The following SPOCK3 variants were observed in gnomAD, a reference collection of about 807,000 sequenced individuals.
SPOCK3 encodes SPARC (osteonectin), cwcv and kazal like domains proteoglycan 3.
Under a neutral mutation model 56.6 loss-of-function variants are expected in SPOCK3, and 30 were observed. That is an observed-to-expected ratio of 0.53 (90% CI 0.40 to 0.72). The LOEUF (loss-of-function observed/expected upper bound fraction) is 0.72. Among genes scored for constraint, SPOCK3 ranks in the 30% least tolerant of loss-of-function variants. The pLI is 0.00. For missense variants in SPOCK3, 527 were observed against 530.0 expected, an observed-to-expected ratio of 0.99 and a Z score of 0.06; for synonymous variants, 196 against 183.3, an observed-to-expected ratio of 1.07 and a Z score of -0.56.
At chr4:167,155,529 T>C (rs569335292) in intron 2 of SPOCK3, among the ~76,000 whole-genome samples, 61 of 152,256 alleles carry the variant, frequency 4.0e-4, no homozygotes, top group Non-Finnish European at 7.2e-4. Flanking sequence ...ACACATGAGA[T>C]ACAGTAAAAT....
intron 6 of SPOCK3, among the ~76,000 whole-genome samples, chr4:166,886,399 A>G (rs988805902): frequency 6.6e-6 from 1 of 152,148 alleles, no homozygotes; most frequent in African/African-American, 2.4e-5. Flanking sequence ...TAGCTAAGTT[A>G]CTAACTGAAG....
chr4:167,208,991 T>C (rs1390493884), intron 2 of SPOCK3, among the ~76,000 whole-genome samples: 1 of 152,190 alleles, frequency 6.6e-6, no homozygotes, highest in Non-Finnish European at 1.5e-5. Context: ...TAGTGAAATA[T>C]CTTTTTTGTC....
In SPOCK3 at chr4:167,234,004, T is replaced by A; in HGVS notation, c.170A>T (p.Gln57Leu). 1.9e-6 allele frequency: 3 copies of A among 1,613,814 alleles called. No individual in the cohort carries two copies. In the South Asian group the frequency reaches 3.3e-5, roughly 18 times the overall value. The change falls in exon 2 of 11, where the codon CAG becomes CTG. Residue 57 changes from glutamine (Q) to leucine (L), a missense_variant. Transcript: ENST00000357545. ...ACTTACGTCTCGGAATTTGTTCCACTGTCCGACTTCCTTGTCATACTGAGA... is the reference window on the plus strand; with the variant it reads ...ACTTACGTCTCGGAATTTGTTCCACAGTCCGACTTCCTTGTCATACTGAGA... Reference protein sequence around the residue: ...TISQYDKEVGQWNKFRDDDYF... With the variant: ...TISQYDKEVGLWNKFRDDDYF...
intron 3 of SPOCK3, among the ~76,000 whole-genome samples, chr4:167,048,831 A>G (rs1242003440): frequency 1.3e-5 from 2 of 152,172 alleles, no homozygotes; most frequent in African/African-American, 4.8e-5. Context: ...ACAATTAATT[A>G]CACAATAATC....
intron 9 of SPOCK3, among the ~76,000 whole-genome samples, 153 bp downstream of exon 9, chr4:166,741,844 G>A (rs1734873267): frequency 6.6e-6 from 1 of 152,120 alleles, no homozygotes; most frequent in Admixed American, 6.6e-5. Flanking sequence ...GGTAATAAAA[G>A]TAAGTTTAAT....
In SPOCK3 at chr4:167,094,413, T is replaced by C. The variant is rs547135712; in HGVS notation, c.190-31876A>G. ...AAAAATCAACAACATATAAAATAAG[T>C]ATATACCCTGGCAAAATGAAATTTA... On this transcript the variant is annotated intron_variant, in intron 2 of 10. Transcript: ENST00000357545. 4.6e-5 allele frequency among the ~76,000 whole-genome samples: 7 copies of C among 152,214 alleles called. 1 individual carries two copies. The South Asian group carries it at 1.4e-3, about 32-fold the overall frequency.
intron 4 of SPOCK3, among the ~76,000 whole-genome samples, chr4:166,957,257 A>G (rs994768080): frequency 6.6e-6 from 1 of 152,200 alleles, no homozygotes; most frequent in Non-Finnish European, 1.5e-5. Flanking sequence ...ATGTCAAAAG[A>G]GAGAATAATA....
At chr4:166,995,992 A>G (rs1360222377) in intron 4 of SPOCK3, among the ~76,000 whole-genome samples, 1 of 152,168 alleles carries the variant, frequency 6.6e-6, no homozygotes, top group African/African-American at 2.4e-5. Flanking sequence ...CTATTCAATC[A>G]GTGATCATAT....
In SPOCK3 at chr4:167,125,587, G is replaced by A. The variant is rs569169475; in HGVS notation, c.190-63050C>T. Among the ~76,000 whole-genome samples, 3 of 143,602 alleles carry A rather than the reference G, an allele frequency of 2.1e-5. No homozygotes were observed. The East Asian group carries it at 6.2e-4, about 30-fold the overall frequency. The allele number at this position is 143,602 out of a possible 152,430, so 94.2% of individuals were successfully genotyped here. A position where few individuals can be genotyped will look rare whatever the true frequency, so the allele number is the denominator to read the frequency against. ...AAATTCGCCGGGCGTGTTGGCGGGC[G>A]CCTGTAGTCCCAAGCTACTCGGGAG... is the stretch of plus-strand genomic sequence containing the variant. On this transcript the variant is annotated intron_variant, in intron 2 of 10. Transcript: ENST00000357545.
At chr4:167,014,899 T>C (rs1284760422) in intron 3 of SPOCK3, among the ~76,000 whole-genome samples, 1 of 152,064 alleles carries the variant, frequency 6.6e-6, no homozygotes, top group Non-Finnish European at 1.5e-5. Context: ...CCCTTAAAAT[T>C]ACTGCATTTT....
At chr4:166,973,034 C>T (rs559731610) in intron 4 of SPOCK3, among the ~76,000 whole-genome samples, 23 of 152,088 alleles carry the variant, frequency 1.5e-4, no homozygotes, top group African/African-American at 4.3e-4. Flanking sequence ...AACTGTAACC[C>T]GAATTGTAAT....
At chr4:166,836,101 CG>C (rs1338127213) in intron 6 of SPOCK3, among the ~76,000 whole-genome samples, 1 of 152,092 alleles carries the variant, frequency 6.6e-6, no homozygotes, top group African/African-American at 2.4e-5. Context: ...TGAATCTTAG[CG>C]GAGTACAATT....
At chr4:167,039,411 T>A (rs899838855) in intron 3 of SPOCK3, among the ~76,000 whole-genome samples, 4 of 152,168 alleles carry the variant, frequency 2.6e-5, no homozygotes, top group Non-Finnish European at 5.9e-5. Flanking sequence ...ACTTCATAGG[T>A]GACAATAACA....
At chr4:167,162,589 A>G (rs1409594788) in intron 2 of SPOCK3, among the ~76,000 whole-genome samples, 1 of 152,096 alleles carries the variant, frequency 6.6e-6, no homozygotes, top group Non-Finnish European at 1.5e-5. Flanking sequence ...CCCACTGGAC[A>G]GTGCTGCTCG....
At chr4:166,940,231 T>C (rs1740891430) in intron 4 of SPOCK3, among the ~76,000 whole-genome samples, 1 of 152,220 alleles carries the variant, frequency 6.6e-6, no homozygotes, top group South Asian at 2.1e-4. Flanking sequence ...ACTATGATGA[T>C]ATAATAATAT....
chr4:166,944,510 T>C (rs1741486455), intron 4 of SPOCK3, among the ~76,000 whole-genome samples: 1 of 152,192 alleles, frequency 6.6e-6, no homozygotes, highest in Admixed American at 6.5e-5. Flanking sequence ...CCCTTTAGCC[T>C]GAAACAGTTA....
rs562850855 is a variant in SPOCK3, at chr4:167,011,753, T to A, written c.236-11290A>T. On this transcript the variant is annotated intron_variant, in intron 3 of 10. Coordinates refer to ENST00000357545, the MANE Select transcript of SPOCK3 (RefSeq NM_001040159.2). The stretch of plus-strand genomic sequence containing the variant: ...ACAAATAAATACATAAAAGACCTAT[T>A]GCTTTTATTGAATTCAGTCTCTTTT... Among the ~76,000 whole-genome samples the A allele has an allele frequency of 2.0e-5, 3 of 152,196 alleles. No homozygotes were observed. In the South Asian group the frequency reaches 6.2e-4, roughly 32 times the overall value.
intron 2 of SPOCK3, among the ~76,000 whole-genome samples, chr4:167,169,401 G>T (rs906852326): frequency 2.0e-5 from 3 of 152,206 alleles, no homozygotes; most frequent in Non-Finnish European, 4.4e-5. Flanking sequence ...GCATGACCTG[G>T]ATGTGTGACA....
At chr4:166,980,911 T>C (rs1283029289) in intron 4 of SPOCK3, among the ~76,000 whole-genome samples, 1 of 151,960 alleles carries the variant, frequency 6.6e-6, no homozygotes, top group Non-Finnish European at 1.5e-5. Context: ...CATAATATGG[T>C]GAGTGGGGGA....
Sources: allele counts gnomAD v4.1 joint callset (sites outside exome capture counted in the v4.1 genomes callset), GRCh38; gene constraint gnomAD v4.1.1; transcripts MANE v1.5; gene names NCBI Gene and HGNC (gene_info 2026-07-23, HGNC 2026-07-21).